DIP2C: variants seen among roughly 807,000 people sequenced by gnomAD.
DIP2C encodes the protein DIP2 acetate--CoA ligase C (putative), also known as disco-interacting protein 2 homolog C.
A neutral mutation model predicts 192.4 loss-of-function variants in DIP2C; 33 were observed. The ratio of observed to expected loss-of-function variants is 0.17; its 90% CI spans 0.13 to 0.23. DIP2C has a LOEUF of 0.23. Among genes scored for constraint, DIP2C ranks in the 10% least tolerant of loss-of-function variants. The probability of loss-of-function intolerance (pLI) is 1.00; values close to 1 mark genes in which losing one functional copy is unlikely to be tolerated. For synonymous variants in DIP2C, 979 were observed against 864.1 expected, an observed-to-expected ratio of 1.13 and a Z score of -2.33; for missense variants, 1,537 against 2,110.1, an observed-to-expected ratio of 0.73 and a Z score of 5.32.
At chr10:359,484 A>C (rs1470858783) in intron 22 of DIP2C, among the ~76,000 whole-genome samples, 1 of 152,136 alleles carries the variant, frequency 6.6e-6, no homozygotes, top group Non-Finnish European at 1.5e-5. Flanking sequence ...TAACAGTAAG[A>C]TGCCTCCTAC....
chr10:345,356 C>T (rs1260403060), intron 26 of DIP2C, among the ~76,000 whole-genome samples: 2 of 5,694 alleles, frequency 3.5e-4, no homozygotes, highest in Non-Finnish European at 0.026. Flanking sequence ...GCATCCACAG[C>T]GTTGTGACAT....
At chr10:301,239 G>T (rs975240009) in intron 32 of DIP2C, among the ~76,000 whole-genome samples, 1 of 152,200 alleles carries the variant, frequency 6.6e-6, no homozygotes, top group African/African-American at 2.4e-5. Context: ...GGTGGCCGCG[G>T]GTGAAAAGGG....
intron 1 of DIP2C, among the ~76,000 whole-genome samples, chr10:616,452 G>A (rs1213376485): frequency 6.6e-6 from 1 of 152,166 alleles, no homozygotes; most frequent in African/African-American, 2.4e-5. Flanking sequence ...TTAAATCCAT[G>A]GTCTGCATTT....
chr10:344,700 C>A, intron 28 of DIP2C, 109 bp downstream of exon 28: 1 of 871,792 alleles, frequency 1.1e-6, no homozygotes, highest in South Asian at 1.6e-5. Context: ...CCTCTTTCCA[C>A]ATCTCAGTCT....
chr10:334,993 G>T (rs1364556926), intron 29 of DIP2C, among the ~76,000 whole-genome samples: 3 of 152,078 alleles, frequency 2.0e-5, no homozygotes, highest in African/African-American at 7.2e-5. Context: ...CCAAGATTTT[G>T]GTAGGAATTA....
rs148342197 is a variant in DIP2C at position 467,150 on chromosome 10, T to C, written c.268+5289A>G. On this transcript the variant is annotated intron_variant, in intron 3 of 36. Transcript: ENST00000280886. ...AACCAACCCAAATGTCCAACAATGA[T>C]AGACTGGATTAAGAAAATGTGGCAC... Among the ~76,000 whole-genome samples, 9 of 152,180 alleles carry C rather than the reference T, an allele frequency of 5.9e-5. No individual in the cohort carries two copies. The South Asian group carries it at 1.5e-3, about 25-fold the overall frequency.
intron 17 of DIP2C, among the ~76,000 whole-genome samples, chr10:377,645 C>G (rs935910592): frequency 7.2e-5 from 11 of 152,204 alleles, no homozygotes; most frequent in Admixed American, 3.3e-4. Context: ...TTCGGATCCA[C>G]TTTGGCTCAG....
In DIP2C at chr10:363,361, G is replaced by A. The variant is rs1157636071; in HGVS notation, c.2478-50C>T. ...AGCACGCGCCGGGGACGCTCATGCA[G>A]CCCTCCCTCCGCCATCAGGGGCTCC... On this transcript the variant is annotated intron_variant, in intron 20 of 36. Coordinates refer to ENST00000280886, the MANE Select transcript of DIP2C (RefSeq NM_014974.3). This position sits in a 1 kb window ranked among gnomAD's most constrained non-coding sequence, Gnocchi z 5.4. The A allele has an allele frequency of 7.2e-6, 11 of 1,527,528 alleles. No homozygotes were observed. The highest frequency in any genetic ancestry group is 9.9e-6 in the Non-Finnish European group (11 of 1,113,048). 94.6% of individuals were successfully genotyped at this position (1,527,528 alleles called of 1,614,324 possible). A position where few individuals can be genotyped will look rare whatever the true frequency, so the allele number is the denominator to read the frequency against.
intron 1 of DIP2C, among the ~76,000 whole-genome samples, chr10:621,935 TTTTG>T (rs1414890519): frequency 5.9e-5 from 9 of 151,916 alleles, no homozygotes; most frequent in South Asian, 4.2e-4. Flanking sequence ...AACCAAATGG[TTTTG>T]TTTGTTTTTC....
intron 1 of DIP2C, among the ~76,000 whole-genome samples, chr10:580,509 CCATA>C (rs1240431348): frequency 1.3e-5 from 2 of 151,984 alleles, no homozygotes; most frequent in African/African-American, 2.4e-5. Context: ...ATAATAGTGC[CCATA>C]GTTATGCACA....
At chr10:400,286 A>T (rs927498655) in intron 9 of DIP2C, among the ~76,000 whole-genome samples, 4 of 150,668 alleles carry the variant, frequency 2.7e-5, no homozygotes, top group Non-Finnish European at 4.4e-5. Flanking sequence ...GTCCCCGCAA[A>T]GTGTTGGGAT....
chr10:605,938 T>C (rs982468466), intron 1 of DIP2C, among the ~76,000 whole-genome samples: 1 of 152,084 alleles, frequency 6.6e-6, no homozygotes, highest in Non-Finnish European at 1.5e-5. Context: ...CACATATGCA[T>C]CCTGCTGGGC....
intron 1 of DIP2C, among the ~76,000 whole-genome samples, chr10:583,741 C>T (rs568245413): frequency 6.6e-6 from 1 of 152,336 alleles, no homozygotes; most frequent in South Asian, 2.1e-4. Flanking sequence ...ACACCCGATG[C>T]AGAAACAGGT....
intron 31 of DIP2C, chr10:324,849 C>G (rs909497446): frequency 8.2e-6 from 4 of 487,358 alleles, no homozygotes; most frequent in African/African-American, 7.8e-5. Flanking sequence ...CACCAGCACG[C>G]CAACTCTGTT....
chr10:295,174 G>C (rs968372992), intron 32 of DIP2C, among the ~76,000 whole-genome samples: 18 of 152,080 alleles, frequency 1.2e-4, no homozygotes, highest in African/African-American at 3.4e-4. Context: ...TCCACAGGCA[G>C]AGCAGCAGCA....
intron 1 of DIP2C, among the ~76,000 whole-genome samples, chr10:647,178 G>A (rs536153477): frequency 2.0e-5 from 3 of 151,738 alleles, no homozygotes; most frequent in Admixed American, 6.6e-5. Flanking sequence ...CACATTGGAC[G>A]GTGGGAGAGA....
chr10:633,675 G>C (rs1197880943), intron 1 of DIP2C, among the ~76,000 whole-genome samples: 3 of 152,218 alleles, frequency 2.0e-5, no homozygotes, highest in Non-Finnish European at 4.4e-5. Flanking sequence ...GCTCGGCTCT[G>C]GAACTTATCC....
Position 332,231 on chromosome 10 carries a change from C to T in DIP2C, c.3585-2630G>A, listed in dbSNP as rs139098970. On this transcript the variant is annotated intron_variant, in intron 29 of 36. Transcript: ENST00000280886. ...ACACCCAAAGTCATTTTAACCATTT[C>T]TAAGTGTCCCTGGAAGTGGCTTCCT... 1.6e-4 allele frequency among the ~76,000 whole-genome samples: 24 copies of T among 152,354 alleles called. No homozygotes were observed. In the East Asian group the frequency reaches 4.4e-3, roughly 28 times the overall value.
At chr10:619,213 G>A (rs947444269) in intron 1 of DIP2C, among the ~76,000 whole-genome samples, 2 of 152,146 alleles carry the variant, frequency 1.3e-5, no homozygotes, top group Non-Finnish European at 2.9e-5. Context: ...TTCAATACGT[G>A]CACCTTCGTG....
Sources: allele counts gnomAD v4.1 joint callset (sites outside exome capture counted in the v4.1 genomes callset), GRCh38; gene constraint gnomAD v4.1.1; non-coding constraint Gnocchi (gnomAD v3.1); transcripts MANE v1.5; gene names NCBI Gene and HGNC (gene_info 2026-07-23, HGNC 2026-07-21).